Variants in NCOA5 observed in about 807,000 individuals in gnomAD.
NCOA5 encodes NCoA-5.
A neutral mutation model predicts 59.0 loss-of-function variants in NCOA5; 12 were observed. The observed-to-expected ratio is 0.20, with a 90% CI of 0.13 to 0.33. NCOA5 has a LOEUF of 0.33. Ranked by LOEUF, NCOA5 falls within the 10% of genes least tolerant of loss-of-function variation. The probability of loss-of-function intolerance (pLI) is 1.00; values close to 1 mark genes in which losing one functional copy is unlikely to be tolerated. For synonymous variants in NCOA5, 270 were observed against 275.5 expected (o/e 0.98, Z 0.20); for missense variants, 655 against 766.6 (o/e 0.85, Z 1.72).
At position 46,065,159 on chromosome 20, in the gene NCOA5, G is replaced by A. The variant is rs2084809130; in HGVS notation, c.699C>T (p.Asn233=). ...AGGCTTGTGACAGTGACACTTCTGT[G>A]TTAAGGAAGATCAAGTCCACTACCA... ...LGMVVDLIFL[N]TEVSLSQALE... is the part of the protein sequence containing the mutation. The change falls in exon 6 of 8, where the codon AAC becomes AAT. Residue 233 remains asparagine (N), a synonymous_variant. Coordinates refer to ENST00000290231, the MANE Select transcript of NCOA5 (RefSeq NM_020967.3). The A allele has an allele frequency of 4.3e-6, 7 of 1,614,154 alleles. No individual in the cohort carries two copies. Among genetic ancestry groups the A allele is most frequent in the Non-Finnish European group, 5.9e-6 (7 of 1,180,022 alleles).
In NCOA5 at chr20:46,061,564, G is replaced by A. The variant is rs1346250236; in HGVS notation, c.*736C>T. ...GGGATGCTGACAGAACTGGTTAACA[G>A]GGAAGAGTGGTGGGGCCCAGATTCA... On this transcript the variant is annotated 3_prime_UTR_variant, in exon 8 of 8. Coordinates refer to ENST00000290231, the MANE Select transcript of NCOA5 (RefSeq NM_020967.3). 1 of 152,682 alleles carries A rather than the reference G, an allele frequency of 6.5e-6. No individual in the cohort carries two copies. Among genetic ancestry groups the A allele is most frequent in the Non-Finnish European group, 1.5e-5 (1 of 68,092 alleles). 9.5% of individuals were successfully genotyped at this position (152,682 alleles called of 1,614,324 possible). A position where few individuals can be genotyped will look rare whatever the true frequency, so the allele number is the denominator to read the frequency against.
At position 46,062,881 on chromosome 20, in the gene NCOA5, A is replaced by C. The variant is rs1374948121; in HGVS notation, c.1159T>G (p.Ser387Ala). ...GAGGTCGCCCCGAGTGGTTGGCGGG[A>C]AATCGGGCCTGGAAGACAGAAGAGG... ...SSTDSLPGPI[S>A]RQPLGATSGA... The change falls in exon 8 of 8, where the codon TCC becomes GCC. Residue 387 changes from serine (S) to alanine (A), a missense_variant. Ser to Ala is a moderately conservative substitution (Grantham distance 99). Around this residue, in one of 3 missense-constraint regions of NCOA5, gnomAD observed 325 missense variants for 353.2 expected, o/e 0.92. Transcript: ENST00000290231. 2.6e-6 allele frequency: 4 copies of C among 1,515,734 alleles called. No homozygotes were observed. The highest frequency in any genetic ancestry group is 2.7e-5 in the South Asian group (2 of 75,196). 93.9% of individuals were successfully genotyped at this position (1,515,734 alleles called of 1,614,324 possible). A position where few individuals can be genotyped will look rare whatever the true frequency, so the allele number is the denominator to read the frequency against.
At chr20:46,064,394 G>A (rs1036970520) in intron 6 of NCOA5, among the ~76,000 whole-genome samples, 2 of 152,162 alleles carry the variant, frequency 1.3e-5, no homozygotes, top group South Asian at 2.1e-4. Context: ...ATCAGCTGGC[G>A]GACTCTTAAT....
At chr20:46,069,251 T>C (rs2145530254) in intron 3 of NCOA5, among the ~76,000 whole-genome samples, 1 of 152,364 alleles carries the variant, frequency 6.6e-6, no homozygotes. Context: ...CCACTGGTAA[T>C]CTTTAATCTA....
chr20:46,064,630 G>C (rs564618504), intron 6 of NCOA5, among the ~76,000 whole-genome samples: 1 of 152,350 alleles, frequency 6.6e-6, no homozygotes, highest in African/African-American at 2.4e-5. Context: ...GCTGGAGCCA[G>C]ATCTCAGTGG....
At chr20:46,079,499 A>G in intron 1 of NCOA5, 46 bp from the exon 2 acceptor site, 1 of 1,447,288 alleles carries the variant, frequency 6.9e-7, no homozygotes. Context: ...CGGAATAAAA[A>G]CAAGATCATC....
At chr20:46,074,797 T>C (rs1386640718) in intron 2 of NCOA5, among the ~76,000 whole-genome samples, 1 of 152,226 alleles carries the variant, frequency 6.6e-6, no homozygotes, top group African/African-American at 2.4e-5. Context: ...TGATGGACTT[T>C]GAATTTCTCT....
intron 1 of NCOA5, among the ~76,000 whole-genome samples, chr20:46,084,852 C>T (rs201390308): frequency 6.6e-6 from 1 of 152,182 alleles, no homozygotes; most frequent in Non-Finnish European, 1.5e-5. Context: ...AGATTTAAAA[C>T]TGGCAAATTT....
intron 1 of NCOA5, 112 bp from the exon 2 acceptor site, chr20:46,079,565 G>GT: frequency 4.5e-6 from 4 of 880,606 alleles, no homozygotes; most frequent in Non-Finnish European, 5.4e-6. Context: ...ACCAGATGGT[G>GT]TAAGAAAAGC....
At chr20:46,088,889 T>C (rs2085070354) in intron 1 of NCOA5, among the ~76,000 whole-genome samples, 1 of 152,242 alleles carries the variant, frequency 6.6e-6, no homozygotes, top group South Asian at 2.1e-4. Flanking sequence ...GCACTGTTTA[T>C]TTCAACAGAC....
chr20:46,078,893 A>C (rs983131902), intron 2 of NCOA5, among the ~76,000 whole-genome samples: 2 of 152,222 alleles, frequency 1.3e-5, no homozygotes, highest in Non-Finnish European at 2.9e-5. Context: ...CCCCTCAAAC[A>C]GATAACCCAA....
chr20:46,078,149 CAA>C (rs2084957512), intron 2 of NCOA5, among the ~76,000 whole-genome samples: 1 of 151,960 alleles, frequency 6.6e-6, no homozygotes, highest in South Asian at 2.1e-4. Flanking sequence ...GCAGAGTGGA[CAA>C]AGACTCCAAC....
chr20:46,089,594 A>T (rs1481607652), intron 1 of NCOA5, among the ~76,000 whole-genome samples: 3 of 151,994 alleles, frequency 2.0e-5, no homozygotes, highest in Admixed American at 6.5e-5. Context: ...AGAGAACCGT[A>T]GGCCGCCTCG....
intron 1 of NCOA5, among the ~76,000 whole-genome samples, chr20:46,080,945 G>A (rs1056582573): frequency 2.6e-5 from 4 of 152,012 alleles, no homozygotes; most frequent in South Asian, 4.1e-4. Flanking sequence ...TATAATGACA[G>A]GCCTTATAGG....
At chr20:46,080,859 C>T (rs550964954) in intron 1 of NCOA5, among the ~76,000 whole-genome samples, 1 of 152,024 alleles carries the variant, frequency 6.6e-6, no homozygotes, top group East Asian at 1.9e-4. Flanking sequence ...AATATCTGAC[C>T]ATAGCTTTGC....
chr20:46,078,433 A>G (rs2084960424), intron 2 of NCOA5, among the ~76,000 whole-genome samples: 1 of 152,246 alleles, frequency 6.6e-6, no homozygotes, highest in Non-Finnish European at 1.5e-5. Context: ...CACTGTATGC[A>G]GCACTGTCCA....
intron 1 of NCOA5, among the ~76,000 whole-genome samples, chr20:46,084,682 A>C (rs1239805718): frequency 6.6e-6 from 1 of 152,178 alleles, no homozygotes. Context: ...GATTTCTCTG[A>C]ATCTATATTT....
intron 7 of NCOA5, among the ~76,000 whole-genome samples, 174 bp downstream of exon 7, chr20:46,063,186 T>C (rs1447834862): frequency 3.9e-5 from 6 of 152,132 alleles, no homozygotes; most frequent in Admixed American, 3.3e-4. Context: ...TACCCAAATA[T>C]AAAGTTATTA....
In NCOA5 at chr20:46,063,558, C is replaced by T. The variant is rs1600615637; in HGVS notation, c.952G>A (p.Asp318Asn). 2.5e-6 allele frequency: 4 copies of T among 1,614,088 alleles called. No homozygotes were observed. Among genetic ancestry groups the T allele is most frequent in the Middle Eastern group, 1.6e-4 (1 of 6,084 alleles). ...EIARQAAKMA[D>N]EAILQERERG... is the part of the protein sequence containing the mutation. ...TCTCTTTCCTGCAGGATGGCTTCAT[C>T]GGCCATCTTGGCTGCCTGTCTGGCA... Residue 318 changes from aspartate (D) to asparagine (N), a missense_variant, in exon 7 of 8, where the codon GAT (aspartate) becomes AAT (asparagine). By Grantham distance (23) the Asp-to-Asn change is conservative. Coordinates refer to ENST00000290231, the MANE Select transcript of NCOA5 (RefSeq NM_020967.3).
Sources: allele counts gnomAD v4.1 joint callset (sites outside exome capture counted in the v4.1 genomes callset), GRCh38; gene constraint gnomAD v4.1.1; regional missense constraint gnomAD v4.1.1; transcripts MANE v1.5; gene names NCBI Gene and HGNC (gene_info 2026-07-23, HGNC 2026-07-21).